TTC7A: variants seen among roughly 807,000 people sequenced by gnomAD.
TTC7A encodes tetratricopeptide repeat domain 7A, also known as tetratricopeptide repeat protein 7A.
In TTC7A, 110 loss-of-function variants were observed where a neutral mutation model predicts 103.7. That is an observed-to-expected ratio of 1.06 (90% confidence interval 0.91 to 1.24). TTC7A has a LOEUF of 1.24. TTC7A is among the 50% of genes most tolerant of loss of function. TTC7A has a pLI of 0.00. For missense variants in TTC7A, 1,340 were observed against 1,116.3 expected, an observed-to-expected ratio of 1.20 and a Z score of -2.86; for synonymous variants, 521 against 467.9, an observed-to-expected ratio of 1.11 and a Z score of -1.47.
rs112919633 is a variant in TTC7A at position 47,032,444 on chromosome 2, C to G, written c.1802+3060C>G. 5.2e-4 allele frequency among the ~76,000 whole-genome samples: 79 copies of G among 152,272 alleles called. 1 individual carries two copies. The highest frequency in any genetic ancestry group is 1.8e-3 in the African/African-American group (75 of 41,556). ...AACCTCTGCCGTGGGAACAACTCACCCATGCAGACATCGCAGAGCGACTGC... is the reference window on the plus strand; with the variant it reads ...AACCTCTGCCGTGGGAACAACTCACGCATGCAGACATCGCAGAGCGACTGC... On this transcript the variant is annotated intron_variant, in intron 15 of 19. Transcript: ENST00000319190.
intron 8 of TTC7A, among the ~76,000 whole-genome samples, chr2:46,995,763 T>G (rs1040733097): frequency 3.3e-5 from 5 of 152,236 alleles, no homozygotes; most frequent in African/African-American, 1.2e-4. Flanking sequence ...AGCATCTACT[T>G]TGTGCCAGAC....
intron 2 of TTC7A, 102 bp from the exon 3 acceptor site, chr2:46,956,737 T>G: frequency 2.3e-6 from 3 of 1,292,070 alleles, no homozygotes; most frequent in Non-Finnish European, 2.2e-6. Flanking sequence ...AGGAGGGGAG[T>G]TCTGAGCAAG....
At chr2:46,940,576 C>A (rs1670243359), upstream of TTC7A, among the ~76,000 whole-genome samples, 2 of 152,212 alleles carry the variant, frequency 1.3e-5, no homozygotes, top group Non-Finnish European at 2.9e-5. This position sits in a 1 kb window ranked among gnomAD's most constrained non-coding sequence, Gnocchi z 4.7. Context: ...TAAATAAATA[C>A]CAAGGTGGTG....
At chr2:47,002,906 C>T (rs1414561302) in intron 8 of TTC7A, among the ~76,000 whole-genome samples, 1 of 152,162 alleles carries the variant, frequency 6.6e-6, no homozygotes, top group East Asian at 1.9e-4. Context: ...CCCCAGTTCG[C>T]ACCAGTCCCT....
At chr2:46,945,500 G>A (rs376885784) in intron 1 of TTC7A, among the ~76,000 whole-genome samples, 4 of 152,148 alleles carry the variant, frequency 2.6e-5, no homozygotes, top group Admixed American at 6.5e-5. Flanking sequence ...CAGCCGCCTC[G>A]GCCTCCCGAA....
intron 2 of TTC7A, among the ~76,000 whole-genome samples, chr2:46,955,410 T>A (rs182745109): frequency 1.1e-3 from 171 of 152,084 alleles, no homozygotes; most frequent in African/African-American, 4.0e-3. Flanking sequence ...GAGAGTTAAT[T>A]AATAGAGAGA....
At chr2:47,048,510 G>C (rs1401142691) in intron 16 of TTC7A, among the ~76,000 whole-genome samples, 3 of 152,220 alleles carry the variant, frequency 2.0e-5, no homozygotes, top group African/African-American at 7.2e-5. Context: ...AGAAACCTAA[G>C]ACTTAGAAAG....
At chr2:47,051,251 A>G (rs1187707682) in intron 17 of TTC7A, among the ~76,000 whole-genome samples, 1 of 152,198 alleles carries the variant, frequency 6.6e-6, no homozygotes, top group African/African-American at 2.4e-5. Context: ...ACTTTTTTCC[A>G]TGCCCATATT....
intron 15 of TTC7A, among the ~76,000 whole-genome samples, chr2:47,038,107 A>G (rs1355559772): frequency 6.6e-6 from 1 of 152,078 alleles, no homozygotes; most frequent in Non-Finnish European, 1.5e-5. Context: ...ATTTAAAAAA[A>G]AATAAGCCAG....
At chr2:47,048,460 A>G (rs1682548063) in intron 16 of TTC7A, among the ~76,000 whole-genome samples, 1 of 152,132 alleles carries the variant, frequency 6.6e-6, no homozygotes, top group African/African-American at 2.4e-5. Context: ...CCCCACGACC[A>G]CCTTGTGTGA....
upstream of TTC7A, chr2:46,915,969 C>T (rs1468783090): frequency 3.0e-6 from 3 of 985,346 alleles, no homozygotes; most frequent in African/African-American, 1.7e-5. Context: ...GGGACTGACG[C>T]AGTTCTTCTA....
chr2:46,968,903 C>G lies in TTC7A; in HGVS notation c.518-6070C>G, dbSNP rs567956816. Among the ~76,000 whole-genome samples, 13 of 150,880 alleles carry G rather than the reference C, an allele frequency of 8.6e-5. No homozygotes were observed. In the East Asian group the frequency reaches 2.2e-3, roughly 25 times the overall value. ...CCTTGGGCTCTTTTCTAATTGGTCT[C>G]CACCCCAGGCAACCTCTGTTTTGTT... On this transcript the variant is annotated intron_variant, in intron 3 of 19. Coordinates refer to ENST00000319190, the MANE Select transcript of TTC7A (RefSeq NM_020458.4).
At chr2:46,987,270 T>C (rs2104338291) in intron 5 of TTC7A, among the ~76,000 whole-genome samples, 1 of 152,260 alleles carries the variant, frequency 6.6e-6, no homozygotes, top group African/African-American at 2.4e-5. Context: ...CTGACATGTT[T>C]TTTGGGGAGG....
At chr2:46,984,618 A>G (rs1674817023) in intron 5 of TTC7A, among the ~76,000 whole-genome samples, 2 of 152,190 alleles carry the variant, frequency 1.3e-5, no homozygotes, top group African/African-American at 4.8e-5. Context: ...TATGACTTTA[A>G]TGTGAACATC....
chr2:47,022,383 A>G (rs532678061), intron 12 of TTC7A, among the ~76,000 whole-genome samples: 1 of 152,300 alleles, frequency 6.6e-6, no homozygotes, highest in African/African-American at 2.4e-5. Context: ...CAGCACTGCT[A>G]TGATCTTCTG....
At chr2:47,070,927 TCAG>T (rs1684630756) in intron 19 of TTC7A, among the ~76,000 whole-genome samples, 1 of 152,184 alleles carries the variant, frequency 6.6e-6, no homozygotes, top group Admixed American at 6.5e-5. Flanking sequence ...TGGAAGCCTC[TCAG>T]CAGATCTGGT....
At chr2:46,970,705 G>C (rs1572764679) in intron 3 of TTC7A, among the ~76,000 whole-genome samples, 2 of 152,248 alleles carry the variant, frequency 1.3e-5, no homozygotes, top group African/African-American at 4.8e-5. Context: ...CTGCATGTCT[G>C]GGGAGCAGGG....
chr2:47,036,802 G>A (rs1378755476), intron 15 of TTC7A, among the ~76,000 whole-genome samples: 1 of 152,234 alleles, frequency 6.6e-6, no homozygotes, highest in African/African-American at 2.4e-5. Context: ...AGGCTGCAGT[G>A]AGCTGTGATC....
chr2:47,073,206 AGGGCAGCTCT>A (rs1474921716), intron 19 of TTC7A, among the ~76,000 whole-genome samples: 1 of 152,172 alleles, frequency 6.6e-6, no homozygotes, highest in Non-Finnish European at 1.5e-5. Context: ...CCTGGAGTGA[AGGGCAGCTCT>A]GGGCAGCAGG....
Sources: allele counts gnomAD v4.1 joint callset (sites outside exome capture counted in the v4.1 genomes callset), GRCh38; gene constraint gnomAD v4.1.1; non-coding constraint Gnocchi (gnomAD v3.1); transcripts MANE v1.5; gene names NCBI Gene and HGNC (gene_info 2026-07-23, HGNC 2026-07-21).